ARMC3: variants seen among roughly 807,000 people sequenced by gnomAD.
The protein encoded by ARMC3 is armadillo repeat-containing protein 3.
A neutral mutation model predicts 90.3 loss-of-function variants in ARMC3; 74 were observed. That is an observed-to-expected ratio of 0.82 (90% CI 0.68 to 0.99). ARMC3 has a LOEUF of 0.99. Ranked by LOEUF, ARMC3 falls within the 50% of genes least tolerant of loss-of-function variation. The probability of loss-of-function intolerance (pLI) is 0.00; values close to 1 mark genes in which losing one functional copy is unlikely to be tolerated. For missense variants in ARMC3, 958 were observed against 1,042.8 expected (o/e 0.92, Z 1.12); for synonymous variants, 334 against 361.8 (o/e 0.92, Z 0.87).
intron 16 of ARMC3, among the ~76,000 whole-genome samples, chr10:23,023,823 GA>G (rs768086518): frequency 0.015 from 2,260 of 149,258 alleles, 26 homozygotes; most frequent in Middle Eastern, 0.059. Flanking sequence ...AAATTAACTG[GA>G]AAAAAAAATG....
chr10:23,031,911 G>A (rs1221702594), intron 17 of ARMC3, among the ~76,000 whole-genome samples: 2 of 151,786 alleles, frequency 1.3e-5, no homozygotes, highest in South Asian at 2.1e-4. Context: ...TTAAATCATT[G>A]TTCTTCTTTG....
chr10:22,981,731 C>T (rs1836200554), intron 10 of ARMC3, 31 bp downstream of exon 10: 1 of 1,548,064 alleles, frequency 6.5e-7, no homozygotes, highest in Non-Finnish European at 8.9e-7. Flanking sequence ...CCAGCACTGA[C>T]TTGTGGGACA....
intron 2 of ARMC3, among the ~76,000 whole-genome samples, chr10:22,940,256 G>T (rs777847693): frequency 6.6e-6 from 1 of 152,162 alleles, no homozygotes; most frequent in East Asian, 1.9e-4. Context: ...AATAACACAA[G>T]TTTAAGATAC....
chr10:23,019,146 G>A (rs1329669462), intron 16 of ARMC3, among the ~76,000 whole-genome samples: 1 of 152,208 alleles, frequency 6.6e-6, no homozygotes, highest in East Asian at 1.9e-4. Context: ...TTAACGAAAC[G>A]ATGATTGTCT....
chr10:23,004,346 C>G (rs1375047231), intron 13 of ARMC3, among the ~76,000 whole-genome samples: 3 of 151,904 alleles, frequency 2.0e-5, no homozygotes, highest in African/African-American at 7.3e-5. Flanking sequence ...AACTAGGAAG[C>G]AGATATGATC....
At chr10:22,969,431 A>G (rs2131294248) in intron 8 of ARMC3, among the ~76,000 whole-genome samples, 1 of 152,348 alleles carries the variant, frequency 6.6e-6, no homozygotes, top group South Asian at 2.1e-4. Flanking sequence ...AAACATATAT[A>G]CTCACATCTG....
chr10:22,942,694 G>A (rs1834365832), intron 2 of ARMC3, among the ~76,000 whole-genome samples: 1 of 152,030 alleles, frequency 6.6e-6, no homozygotes, highest in Non-Finnish European at 1.5e-5. Flanking sequence ...CCTACAAAAG[G>A]GAAATATATG....
At position 22,968,545 on chromosome 10, in the gene ARMC3, G is replaced by A. The variant is rs1386561372; in HGVS notation, c.916+56G>A. 2.8e-5 allele frequency: 40 copies of A among 1,446,110 alleles called. 3 individuals carry two copies. The South Asian group carries it at 5.4e-4, about 20-fold the overall frequency. 89.6% of individuals were successfully genotyped at this position (1,446,110 alleles called of 1,614,324 possible). A position where few individuals can be genotyped will look rare whatever the true frequency, so the allele number is the denominator to read the frequency against. ...GATAGGATCTTGCTCTGTTTCTCAG[G>A]CTGGAGTGCTGTGGCGTGATCACAG... On this transcript the variant is annotated intron_variant, in intron 8 of 18. Transcript: ENST00000298032.
At position 22,987,969 on chromosome 10, in the gene ARMC3, T is replaced by A. The variant is rs868600204; in HGVS notation, c.1175+6269T>A. Among the ~76,000 whole-genome samples the A allele has an allele frequency of 2.6e-5, 4 of 152,260 alleles. No homozygotes were observed. The Middle Eastern group carries it at 0.014, about 518-fold the overall frequency. On this transcript the variant is annotated intron_variant, in intron 10 of 18. Coordinates refer to ENST00000298032, the MANE Select transcript of ARMC3 (RefSeq NM_173081.5). The stretch of plus-strand genomic sequence containing the variant: ...AACTGTCTTGCTGTTGTGTTCCCTA[T>A]GGTCAGGACCGCACAAGGGAATGAT...
rs772009813 is a variant in ARMC3, at chr10:22,981,371, G to C, written c.948G>C (p.Glu316Asp). The change falls in exon 9 of 19, where the codon GAG becomes GAC. Residue 316 changes from glutamate (E) to aspartate (D), a missense_variant. Transcript: ENST00000298032. ...PENRKLFHEQ[E>D]VEKCLVALLG... ...ATAGAAAACTTTTTCATGAACAAGA[G>C]GTTGAAAAGTGCCTTGTAGCCCTTT... 7 of 1,608,382 alleles carry C rather than the reference G, an allele frequency of 4.4e-6. No homozygotes were observed. Among genetic ancestry groups the C allele is most frequent in the Admixed American group, 1.7e-5 (1 of 58,596 alleles).
chr10:22,984,678 T>C (rs1434803766), intron 10 of ARMC3, among the ~76,000 whole-genome samples: 2 of 152,180 alleles, frequency 1.3e-5, no homozygotes, highest in African/African-American at 2.4e-5. Flanking sequence ...ATGTAGAAGA[T>C]TTTCAACTTT....
chr10:22,982,350 C>T (rs1436732877), intron 10 of ARMC3, among the ~76,000 whole-genome samples: 1 of 152,208 alleles, frequency 6.6e-6, no homozygotes, highest in East Asian at 1.9e-4. Flanking sequence ...TGCACTCCAG[C>T]CTGGGTGCAA....
At chr10:22,940,206 C>T (rs1469360203) in intron 2 of ARMC3, among the ~76,000 whole-genome samples, 2 of 152,076 alleles carry the variant, frequency 1.3e-5, no homozygotes, top group African/African-American at 2.4e-5. Context: ...TTTTATGATA[C>T]AAAGGTTTAT....
chr10:22,971,098 T>C (rs1345602485), intron 8 of ARMC3, among the ~76,000 whole-genome samples: 3 of 152,198 alleles, frequency 2.0e-5, no homozygotes, highest in Non-Finnish European at 2.9e-5. Flanking sequence ...TCTCTATGAA[T>C]TTGATGACTC....
intron 3 of ARMC3, among the ~76,000 whole-genome samples, chr10:22,954,328 T>A (rs534167005): frequency 1.3e-5 from 2 of 152,252 alleles, no homozygotes; most frequent in East Asian, 1.9e-4. Flanking sequence ...TTTAAAAAAA[T>A]TTTCTAGACT....
intron 16 of ARMC3, among the ~76,000 whole-genome samples, chr10:23,028,156 G>C (rs977002419): frequency 2.0e-5 from 3 of 151,834 alleles, no homozygotes; most frequent in African/African-American, 7.3e-5. Context: ...AACAAACAAA[G>C]AACAACAACA....
At chr10:23,029,488 T>G (rs1204129572) in intron 16 of ARMC3, among the ~76,000 whole-genome samples, 1 of 152,180 alleles carries the variant, frequency 6.6e-6, no homozygotes, top group African/African-American at 2.4e-5. Flanking sequence ...ATTGTTTTTG[T>G]TTGACTCATT....
Position 22,981,387 on chromosome 10 carries a change from G to A in ARMC3, c.964G>A (p.Val322Ile), listed in dbSNP as rs773247538. 6.2e-7 allele frequency: 1 copy of A among 1,613,810 alleles called. No individual in the cohort carries two copies. The highest frequency in any genetic ancestry group is 8.5e-7 in the Non-Finnish European group (1 of 1,179,894). Reference sequence around the variant, plus strand: ...TGAACAAGAGGTTGAAAAGTGCCTTGTAGCCCTTTTGGGTTCTGAAAATGA... The same window carrying A: ...TGAACAAGAGGTTGAAAAGTGCCTTATAGCCCTTTTGGGTTCTGAAAATGA... ...FHEQEVEKCLVALLGSENDGT... is the reference protein window; with the variant it reads ...FHEQEVEKCLIALLGSENDGT... Residue 322 changes from valine (V) to isoleucine (I), a missense_variant, in exon 9 of 19, where the codon GTA (valine) becomes ATA (isoleucine). By Grantham distance (29) the Val-to-Ile change is conservative (BLOSUM62 3). Coordinates refer to ENST00000298032, the MANE Select transcript of ARMC3 (RefSeq NM_173081.5).
At chr10:22,931,828 G>A (rs1452071052) in intron 1 of ARMC3, among the ~76,000 whole-genome samples, 168 bp from the exon 2 acceptor site, 1 of 152,162 alleles carries the variant, frequency 6.6e-6, no homozygotes, top group African/African-American at 2.4e-5. Context: ...GTTTGAAATT[G>A]GGATGTAGGT....
Sources: allele counts gnomAD v4.1 joint callset (sites outside exome capture counted in the v4.1 genomes callset), GRCh38; gene constraint gnomAD v4.1.1; transcripts MANE v1.5; gene names NCBI Gene and HGNC (gene_info 2026-07-23, HGNC 2026-07-21).